Variants in ANGPT4 observed in about 807,000 individuals in gnomAD.
The protein encoded by ANGPT4 is angiopoietin 4.
Under a neutral mutation model 53.0 loss-of-function variants are expected in ANGPT4, and 50 were observed. The ratio of observed to expected loss-of-function variants is 0.94; its 90% CI spans 0.75 to 1.20. ANGPT4 has a LOEUF of 1.20. Among genes scored for constraint, ANGPT4 ranks in the 50% most tolerant of loss-of-function variants. ANGPT4 has a pLI of 0.00. For missense variants in ANGPT4, 648 were observed against 637.1 expected (o/e 1.02, Z -0.18); for synonymous variants, 251 against 259.7 (o/e 0.97, Z 0.32).
intron 2 of ANGPT4, 60 bp downstream of exon 2, chr20:890,153 G>T: frequency 6.4e-7 from 1 of 1,571,254 alleles, no homozygotes; most frequent in Non-Finnish European, 8.6e-7. Context: ...GATGACTGGG[G>T]CTACGAACCA....
rs1386680045 is a variant in ANGPT4 at position 905,593 on chromosome 20, C to CAGGAAGG, written c.309+10306_309+10312dup. ...AACACCAGCACAGAGATGGGAGGGG[C>CAGGAAGG]AGGAAGGAGGGTTCCCAGGAGGGAG... On this transcript the variant is annotated intron_variant, in intron 1 of 8. Coordinates refer to ENST00000381922, the MANE Select transcript of ANGPT4 (RefSeq NM_015985.4). Among the ~76,000 whole-genome samples, 14 of 152,152 alleles carry CAGGAAGG rather than the reference C, an allele frequency of 9.2e-5. No homozygotes were observed. The South Asian group carries it at 2.9e-3, about 32-fold the overall frequency.
At chr20:910,090 A>C (rs1016203005) in intron 1 of ANGPT4, among the ~76,000 whole-genome samples, 1 of 152,094 alleles carries the variant, frequency 6.6e-6, no homozygotes, top group Non-Finnish European at 1.5e-5. Context: ...TGGACAGAAA[A>C]CTGGCTTAAG....
intron 8 of ANGPT4, 46 bp downstream of exon 8, chr20:874,237 TG>T: frequency 6.2e-7 from 1 of 1,606,822 alleles, no homozygotes; most frequent in African/African-American, 1.3e-5. Flanking sequence ...AGTGTCAATC[TG>T]GGTGAGCCTG....
At position 887,578 on chromosome 20, in the gene ANGPT4, T is replaced by C. The variant is rs376787848; in HGVS notation, c.587+740A>G. Among the ~76,000 whole-genome samples, 8 of 151,602 alleles carry C rather than the reference T, an allele frequency of 5.3e-5. No homozygotes were observed. The East Asian group carries it at 1.5e-3, about 29-fold the overall frequency. On this transcript the variant is annotated intron_variant, in intron 3 of 8. Coordinates refer to ENST00000381922, the MANE Select transcript of ANGPT4 (RefSeq NM_015985.4). ...TTTTTTTCTTCACTCAGCTTGAAAC[T>C]GAGGTGAAATCAGCCTTAGCTGCCA...
At chr20:889,649 G>A (rs1981757217) in intron 2 of ANGPT4, among the ~76,000 whole-genome samples, 1 of 152,140 alleles carries the variant, frequency 6.6e-6, no homozygotes, top group African/African-American at 2.4e-5. Flanking sequence ...ACAGGAGTAG[G>A]AATGTATGCC....
chr20:898,572 A>G (rs561332007), intron 1 of ANGPT4, among the ~76,000 whole-genome samples: 2 of 152,306 alleles, frequency 1.3e-5, no homozygotes, highest in African/African-American at 2.4e-5. Context: ...TCTGCTCCCA[A>G]CATTAGAAAA....
chr20:911,770 G>A lies in ANGPT4; in HGVS notation c.309+4136C>T, dbSNP rs993189775. ...TTCAAGGCTGCAGTGAGCTGTGATT[G>A]CACCATTGCACCCCAGTGTGGTTGA... On this transcript the variant is annotated intron_variant, in intron 1 of 8. Transcript: ENST00000381922. The surrounding 1 kb of genome is among the most constrained non-coding windows in gnomAD (Gnocchi z 4.9). Among the ~76,000 whole-genome samples, 2 of 152,092 alleles carry A rather than the reference G, an allele frequency of 1.3e-5. No homozygotes were observed. The highest frequency in any genetic ancestry group is 4.8e-5 in the African/African-American group (2 of 41,414).
chr20:893,002 T>C (rs1435278258), intron 1 of ANGPT4, among the ~76,000 whole-genome samples: 1 of 152,036 alleles, frequency 6.6e-6, no homozygotes, highest in Admixed American at 6.6e-5. Flanking sequence ...AACCACCCAC[T>C]CTCTGACTCC....
rs761310089 is a variant in ANGPT4, at chr20:879,724, C to T, written c.1053+23G>A. ...CCCCAGGTTTCAGAGCAGAATGGCC[C>T]CTCCCCAAGGCAGCAGGGCTACCTG... On this transcript the variant is annotated intron_variant, in intron 6 of 8. Transcript: ENST00000381922. The T allele has an allele frequency of 2.5e-6, 4 of 1,604,512 alleles. No homozygotes were observed. The South Asian group carries it at 3.3e-5, about 13-fold the overall frequency.
chr20:915,938 C>T lies in ANGPT4; in HGVS notation c.277G>A (p.Ala93Thr). 6.2e-7 allele frequency: 1 copy of T among 1,600,496 alleles called. No individual in the cohort carries two copies. The highest frequency in any genetic ancestry group is 8.5e-7 in the Non-Finnish European group (1 of 1,171,384). Residue 93 changes from alanine to threonine, a missense_variant, in exon 1 of 9, where the codon GCA becomes ACA. Ala to Thr is a moderately conservative substitution (Grantham distance 58). Transcript: ENST00000381922. ...AGCCACTGCGTGTTGTTCTGCAGTG[C>T]CTGCTCCAGCTGTTTCACCTGCTGG... ...PTQQVKQLEQALQNNTQWLKK... is the reference protein window; with the variant it reads ...PTQQVKQLEQTLQNNTQWLKK...
In ANGPT4 at chr20:908,256, T is replaced by C. The variant is rs1046928562; in HGVS notation, c.309+7650A>G. ...AGGGTCAGGACCAGGGACATCTGTC[T>C]GGCTCCTGGTGAGCACTCCAGTCTC... On this transcript the variant is annotated intron_variant, in intron 1 of 8. Coordinates refer to ENST00000381922, the MANE Select transcript of ANGPT4 (RefSeq NM_015985.4). This position sits in a 1 kb window ranked among gnomAD's most constrained non-coding sequence, Gnocchi z 4.9. Among the ~76,000 whole-genome samples the C allele has an allele frequency of 2.6e-5, 4 of 152,296 alleles. No homozygotes were observed. The highest frequency in any genetic ancestry group is 2.6e-4 in the Admixed American group (4 of 15,308).
intron 3 of ANGPT4, among the ~76,000 whole-genome samples, chr20:885,829 C>A (rs1981599463): frequency 6.6e-6 from 1 of 152,142 alleles, no homozygotes; most frequent in Admixed American, 6.5e-5. Context: ...ATGCCCAGGA[C>A]TTGGGGCACA....
At chr20:905,331 T>C (rs1035245912) in intron 1 of ANGPT4, among the ~76,000 whole-genome samples, 1 of 152,150 alleles carries the variant, frequency 6.6e-6, no homozygotes, top group Non-Finnish European at 1.5e-5. Flanking sequence ...ATGCCTAGAA[T>C]AGGGCTAGGC....
At chr20:904,790 C>A (rs1353143512) in intron 1 of ANGPT4, among the ~76,000 whole-genome samples, 1 of 152,152 alleles carries the variant, frequency 6.6e-6, no homozygotes, top group African/African-American at 2.4e-5. Flanking sequence ...CCAGGCCCAG[C>A]CAATTTTTCA....
chr20:875,605 A>G (rs570405319), intron 7 of ANGPT4, among the ~76,000 whole-genome samples: 4 of 152,200 alleles, frequency 2.6e-5, no homozygotes, highest in Non-Finnish European at 5.9e-5. Flanking sequence ...AGTGGTAATG[A>G]TAGTGAAATT....
rs1404892414 is a variant in ANGPT4, at chr20:884,974, C to T, written c.835+104G>A. 6.6e-6 allele frequency: 10 copies of T among 1,504,088 alleles called. No individual in the cohort carries two copies. The East Asian group carries it at 1.4e-4, about 21-fold the overall frequency. 93.2% of individuals were successfully genotyped at this position (1,504,088 alleles called of 1,614,324 possible). On this transcript the variant is annotated intron_variant, in intron 4 of 8. Transcript: ENST00000381922. ...ACAGATGGTCGGGGAGGGTGGGGCC[C>T]GCAATGGCTCCCAGGCGCCCAGAGA...
chr20:890,511 T>C, intron 1 of ANGPT4, 143 bp from the exon 2 acceptor site: 2 of 713,678 alleles, frequency 2.8e-6, no homozygotes, highest in South Asian at 3.8e-5. Context: ...AGGCCACCAT[T>C]ACGTCTTGCC....
chr20:871,941 T>C lies in ANGPT4; in HGVS notation c.*1019A>G, dbSNP rs571086937. 6.6e-6 allele frequency: 1 copy of C among 151,924 alleles called. No homozygotes were observed. Among genetic ancestry groups the C allele is most frequent in the Non-Finnish European group, 1.5e-5 (1 of 67,986 alleles). The allele number at this position is 151,924 out of a possible 1,614,324, so 9.4% of individuals were successfully genotyped here. A position where few individuals can be genotyped will look rare whatever the true frequency, so the allele number is the denominator to read the frequency against. On this transcript the variant is annotated 3_prime_UTR_variant, in exon 9 of 9. Transcript: ENST00000381922. ...CTGTGGCCCTTGTAGCCAAAAAGGG[T>C]GAGTATAGCTGGGGTGGGGATGGGG... is the stretch of plus-strand genomic sequence containing the variant.
intron 5 of ANGPT4, among the ~76,000 whole-genome samples, chr20:880,421 C>A (rs1347910626): frequency 1.3e-5 from 2 of 152,090 alleles, no homozygotes; most frequent in Non-Finnish European, 2.9e-5. Context: ...TTTGTCCCTA[C>A]AAAATGTTTA....
Sources: gnomAD v4.1 joint callset for allele counts (sites outside exome capture counted in the v4.1 genomes callset) on GRCh38, gnomAD v4.1.1 for gene constraint, Gnocchi (gnomAD v3.1) non-coding constraint, MANE v1.5 for transcripts, NCBI Gene and HGNC (gene_info 2026-07-23, HGNC 2026-07-21) for gene names.